The following TYROBP variants were observed in gnomAD, a reference collection of about 807,000 sequenced individuals.
The protein encoded by TYROBP is transmembrane immune signaling adaptor TYROBP.
In TYROBP, 14 loss-of-function variants were observed where a neutral mutation model predicts 17.1. The ratio of observed to expected loss-of-function variants is 0.82; its 90% CI spans 0.54 to 1.28. The LOEUF (loss-of-function observed/expected upper bound fraction) is 1.28, where lower values mean the gene tolerates loss of function less well. Ranked by LOEUF, TYROBP falls within the 50% of genes most tolerant of loss-of-function variation. The pLI is 0.00. For missense variants in TYROBP, 161 were observed against 151.4 expected (o/e 1.06, Z -0.33); for synonymous variants, 73 against 67.4 (o/e 1.08, Z -0.41).
intron 2 of TYROBP, 50 bp from the exon 3 acceptor site, chr19:35,907,630 A>C: frequency 6.2e-7 from 1 of 1,612,898 alleles, no homozygotes; most frequent in Non-Finnish European, 8.5e-7. Context: ...AACTGTGGGG[A>C]GGGGGGTCAG....
At chr19:35,905,253 G>A (rs570978910) in intron 4 of TYROBP, among the ~76,000 whole-genome samples, 25 of 152,298 alleles carry the variant, frequency 1.6e-4, no homozygotes, top group African/African-American at 5.8e-4. Context: ...TTATCCACAA[G>A]TGAGGTGAAT....
intron 3 of TYROBP, 26 bp from the exon 4 acceptor site, chr19:35,907,290 G>A (rs1403714743): frequency 3.7e-6 from 6 of 1,611,960 alleles, no homozygotes; most frequent in African/African-American, 2.7e-5. Context: ...GTTGTGGGGT[G>A]CAGAGACAGG....
At position 35,904,567 on chromosome 19, in the gene TYROBP, G is replaced by A; in HGVS notation, c.*2C>T. ...CATGTTGCTGACTGTCATGATTCGG[G>A]CTCATTTGTAATACGGCCTCTGTGT... On this transcript the variant is annotated 3_prime_UTR_variant, in exon 5 of 5. Transcript: ENST00000262629. The A allele has an allele frequency of 1.2e-6, 2 of 1,613,446 alleles. No individual in the cohort carries two copies. The highest frequency in any genetic ancestry group is 1.7e-6 in the Non-Finnish European group (2 of 1,179,836).
In TYROBP at chr19:35,907,732, C is replaced by T; in HGVS notation, c.92G>A (p.Ser31Asn). The T allele has an allele frequency of 6.2e-7, 1 of 1,614,012 alleles. No homozygotes were observed. The highest frequency in any genetic ancestry group is 8.5e-7 in the Non-Finnish European group (1 of 1,180,016). The change falls in exon 2 of 5, where the codon AGC becomes AAC. Residue 31 changes from serine (S) to asparagine (N), a missense_variant and splice_region_variant. Ser to Asn is a conservative substitution (Grantham distance 46). Transcript: ENST00000262629. ...GLRPVQAQAQ[S>N]DCSCSTVSPG... The stretch of plus-strand genomic sequence containing the variant: ...GGGACTGCTGGGTCTAGGCCTACCG[C>T]TCTGGGCCTGGGCCTGGACAGGACG...
Position 35,907,233 on chromosome 19 carries a change from G to T in TYROBP, c.261C>A (p.Thr87=), listed in dbSNP as rs776619212. ...GTTTTCTCACCTGATAAGGCGACTC[G>T]GTCTCAGTGATACGCTGTTTCCGGG... ...AATRKQRITE[T]ESPYQELQGQ... The change falls in exon 4 of 5, where the codon ACC becomes ACA. Residue 87 remains threonine, a synonymous_variant. Transcript: ENST00000262629. The T allele has an allele frequency of 4.4e-6, 7 of 1,606,384 alleles. No homozygotes were observed. The African/African-American group carries it at 5.3e-5, about 12-fold the overall frequency.
chr19:35,904,735 C>G lies in TYROBP; in HGVS notation c.277-101G>C, dbSNP rs1208509834. On this transcript the variant is annotated intron_variant, in intron 4 of 4. Transcript: ENST00000262629. ...CCTGGCAGCTTCTTCAGCCTTATAG[C>G]CATGAAAGAGATCCGGATTTTATTC... 19 of 1,038,294 alleles carry G rather than the reference C, an allele frequency of 1.8e-5. No individual in the cohort carries two copies. The East Asian group carries it at 4.8e-4, about 26-fold the overall frequency. The allele number at this position is 1,038,294 out of a possible 1,614,324, so 64.3% of individuals were successfully genotyped here.
chr19:35,904,962 TAA>T (rs78604543), intron 4 of TYROBP, among the ~76,000 whole-genome samples: 109 of 132,212 alleles, frequency 8.2e-4, no homozygotes, highest in Admixed American at 7.0e-4. Flanking sequence ...CCAGCCACTG[TAA>T]AAAAAAAAAA....
Position 35,908,220 on chromosome 19 carries a change from TC to T in TYROBP, c.8del (p.Gly3AspfsTer17). On this transcript the variant is annotated frameshift_variant, in exon 1 of 5. Coordinates refer to ENST00000262629, the MANE Select transcript of TYROBP (RefSeq NM_003332.4). LOFTEE classifies it high-confidence loss of function. ...GCAGGAGCCTGCTGCAGGGTTCAAG[TC>T]CCCCCATGAAGCCGGATGCTGCTGG... MG[G>X]LEPCSRLLLL... 4 of 1,613,052 alleles carry T rather than the reference TC, an allele frequency of 2.5e-6. No homozygotes were observed. The highest frequency in any genetic ancestry group is 3.4e-6 in the Non-Finnish European group (4 of 1,179,744).
rs1221026975 is a variant in TYROBP, at chr19:35,907,462, C to T, written c.213G>A (p.Gly71=). 3 of 1,613,230 alleles carry T rather than the reference C, an allele frequency of 1.9e-6. No homozygotes were observed. Among genetic ancestry groups the T allele is most frequent in the African/African-American group, 2.7e-5 (2 of 74,892 alleles). The change falls in exon 3 of 5, where the codon GGG becomes GGA. Residue 71 remains glycine (G), a synonymous_variant. Coordinates refer to ENST00000262629, the MANE Select transcript of TYROBP (RefSeq NM_003332.4). Reference sequence around the variant, plus strand: ...CCCACTCACCCTCCGCAGCCCCTCGCCCCCGAGGGACCAGCCGGCCCAGGA... The same window carrying T: ...CCCACTCACCCTCCGCAGCCCCTCGTCCCCGAGGGACCAGCCGGCCCAGGA... ...VYFLGRLVPR[G]RGAAEAATRK...
chr19:35,905,846 G>A (rs946471106), intron 4 of TYROBP, among the ~76,000 whole-genome samples: 5 of 151,478 alleles, frequency 3.3e-5, no homozygotes, highest in East Asian at 1.9e-4. Context: ...CCAGCTACTC[G>A]GGAGGCTCAG....
At chr19:35,904,721 C>T (rs954481408) in intron 4 of TYROBP, 87 bp from the exon 5 acceptor site, 30 of 1,230,188 alleles carry the variant, frequency 2.4e-5, no homozygotes, top group Non-Finnish European at 3.5e-5. Context: ...CTGGCAGCTT[C>T]TTCAGCCTTA....
In TYROBP at chr19:35,908,156, C is replaced by A; in HGVS notation, c.61+12G>T. ...GGGACCCGGGAGGCAGCCACGGAAG[C>A]CCCTAACTCACCACTTACAGCCAGC... is the stretch of plus-strand genomic sequence containing the variant. On this transcript the variant is annotated intron_variant, in intron 1 of 4. Transcript: ENST00000262629. 6.2e-7 allele frequency: 1 copy of A among 1,613,250 alleles called. No homozygotes were observed. Among genetic ancestry groups the A allele is most frequent in the South Asian group, 1.1e-5 (1 of 91,016 alleles).
At chr19:35,907,389 A>G in intron 3 of TYROBP, 57 bp downstream of exon 3, 11 of 1,146,144 alleles carry the variant, frequency 9.6e-6, no homozygotes, top group Non-Finnish European at 1.3e-5. Context: ...GAGTTTACCC[A>G]GCCCCCCACC....
chr19:35,907,707 G>A lies in TYROBP; in HGVS notation c.94+23C>T, dbSNP rs754032685. Reference sequence around the variant, plus strand: ...GGGAGGTCTCTGGGAGGTAGAGAGAGGGACTGCTGGGTCTAGGCCTACCGC... The same window carrying A: ...GGGAGGTCTCTGGGAGGTAGAGAGAAGGACTGCTGGGTCTAGGCCTACCGC... On this transcript the variant is annotated intron_variant, in intron 2 of 4. Coordinates refer to ENST00000262629, the MANE Select transcript of TYROBP (RefSeq NM_003332.4). The A allele has an allele frequency of 5.0e-6, 8 of 1,613,998 alleles. No homozygotes were observed. The African/African-American group carries it at 8.0e-5, about 16-fold the overall frequency.
intron 3 of TYROBP, 21 bp downstream of exon 3, chr19:35,907,425 T>G (rs1172938347): frequency 6.2e-7 from 1 of 1,610,658 alleles, no homozygotes; most frequent in Admixed American, 1.7e-5. Flanking sequence ...CCTCAGGATG[T>G]CCCCTGCTAG....
Position 35,907,441 on chromosome 19 carries a change from C to G in TYROBP, c.229+5G>C, listed in dbSNP as rs1975753588. On this transcript the variant is annotated splice_donor_5th_base_variant and intron_variant, in intron 3 of 4. Transcript: ENST00000262629. ...CTCAGGATGTCCCCTGCTAGCCCCA[C>G]TCACCCTCCGCAGCCCCTCGCCCCC... 6.2e-7 allele frequency: 1 copy of G among 1,613,058 alleles called. No individual in the cohort carries two copies. The highest frequency in any genetic ancestry group is 1.7e-5 in the Admixed American group (1 of 59,978).
intron 4 of TYROBP, among the ~76,000 whole-genome samples, chr19:35,906,226 A>G (rs549509176): frequency 1.3e-5 from 2 of 150,812 alleles, no homozygotes; most frequent in African/African-American, 4.9e-5. Flanking sequence ...GAGAAGCTGG[A>G]ATTACAGGCG....
intron 4 of TYROBP, among the ~76,000 whole-genome samples, chr19:35,905,780 C>T (rs1339983405): frequency 6.6e-6 from 1 of 151,778 alleles, no homozygotes; most frequent in Non-Finnish European, 1.5e-5. Context: ...TAGTGAAACC[C>T]CATCTCTACT....
chr19:35,904,601 C>A lies in TYROBP; in HGVS notation c.310G>T (p.Asp104Tyr), dbSNP rs377005575. The A allele has an allele frequency of 6.2e-7, 1 of 1,613,376 alleles. No individual in the cohort carries two copies. Among genetic ancestry groups the A allele is most frequent in the Admixed American group, 1.7e-5 (1 of 59,916 alleles). ...LQGQRSDVYS[D>Y]LNTQRPYYK ...TAATACGGCCTCTGTGTGTTGAGGT[C>A]GCTGTAGACATCCGACCTCTGACCC... Residue 104 changes from aspartate to tyrosine, a missense_variant, in exon 5 of 5, where the codon GAC (aspartate) becomes TAC (tyrosine). Transcript: ENST00000262629.
Sources: gnomAD v4.1 joint callset for allele counts (sites outside exome capture counted in the v4.1 genomes callset) on GRCh38, gnomAD v4.1.1 for gene constraint, MANE v1.5 for transcripts, NCBI Gene and HGNC (gene_info 2026-07-23, HGNC 2026-07-21) for gene names.